ACTR3B: variants seen among roughly 807,000 people sequenced by gnomAD.
The protein encoded by ACTR3B is actin-related protein 3B.
A neutral mutation model predicts 59.0 loss-of-function variants in ACTR3B; 8 were observed. The ratio of observed to expected loss-of-function variants is 0.14; its 90% CI spans 0.08 to 0.24. The LOEUF (loss-of-function observed/expected upper bound fraction) is 0.24, where lower values mean the gene tolerates loss of function less well. Ranked by LOEUF, ACTR3B falls within the 10% of genes least tolerant of loss-of-function variation. ACTR3B has a pLI of 1.00. For missense variants in ACTR3B, 245 were observed against 552.3 expected (o/e 0.44, Z 5.58); for synonymous variants, 148 against 197.9 (o/e 0.75, Z 2.12).
At chr7:152,762,324 A>G (rs1186365174) in intron 1 of ACTR3B, among the ~76,000 whole-genome samples, 1 of 152,244 alleles carries the variant, frequency 6.6e-6, no homozygotes, top group East Asian at 1.9e-4. Flanking sequence ...TCTCTGAGCC[A>G]AACTTTTCAA....
At chr7:152,810,456 A>G (rs1316582947) in intron 4 of ACTR3B, among the ~76,000 whole-genome samples, 9 of 133,128 alleles carry the variant, frequency 6.8e-5, no homozygotes, top group East Asian at 2.2e-4. Context: ...GGGGGTCTCT[A>G]TGTTGTCCAA....
Position 152,759,830 on chromosome 7 carries a change from G to A in ACTR3B, c.-53G>A, listed in dbSNP as rs2098083300. The A allele has an allele frequency of 8.3e-7, 1 of 1,200,112 alleles. No individual in the cohort carries two copies. The highest frequency in any genetic ancestry group is 1.0e-6 in the Non-Finnish European group (1 of 964,182). The allele number at this position is 1,200,112 out of a possible 1,614,324, so 74.3% of individuals were successfully genotyped here. Reference sequence around the variant, plus strand: ...GGGCTAGCGGGCGGCGGAGCGGACGGCGACGGGGCGCTCTCGGGCTGCCGG... The same window carrying A: ...GGGCTAGCGGGCGGCGGAGCGGACGACGACGGGGCGCTCTCGGGCTGCCGG... On this transcript the variant is annotated 5_prime_UTR_variant, in exon 1 of 12. Transcript: ENST00000256001.
At chr7:152,852,050 A>T in intron 9 of ACTR3B, 76 bp from the exon 10 acceptor site, 1 of 1,598,176 alleles carries the variant, frequency 6.3e-7, no homozygotes, top group Non-Finnish European at 8.6e-7. Context: ...GACCTGTGGG[A>T]GTTCTGTTGT....
intron 9 of ACTR3B, among the ~76,000 whole-genome samples, chr7:152,829,804 T>G (rs1356567200): frequency 2.0e-5 from 3 of 152,232 alleles, no homozygotes; most frequent in Non-Finnish European, 4.4e-5. Flanking sequence ...AGCCAGCGTT[T>G]AGTAACTTGC....
chr7:152,833,074 A>G, intron 9 of ACTR3B, among the ~76,000 whole-genome samples: 1 of 152,228 alleles, frequency 6.6e-6, no homozygotes, highest in East Asian at 1.9e-4. Flanking sequence ...GAGGTCACAC[A>G]GGATGAGGGT....
chr7:152,762,968 G>A (rs2098094604), intron 1 of ACTR3B, among the ~76,000 whole-genome samples: 1 of 152,126 alleles, frequency 6.6e-6, no homozygotes, highest in South Asian at 2.1e-4. Flanking sequence ...CATTTGGAGA[G>A]GGTGATGTCC....
chr7:152,776,626 C>T (rs2098136795), intron 1 of ACTR3B, among the ~76,000 whole-genome samples: 1 of 152,224 alleles, frequency 6.6e-6, no homozygotes, highest in Non-Finnish European at 1.5e-5. Context: ...TAAATCACTG[C>T]ACCATGAAAT....
chr7:152,851,314 G>A (rs114586730), intron 9 of ACTR3B, among the ~76,000 whole-genome samples: 2,572 of 152,300 alleles, frequency 0.017, 67 homozygotes, highest in African/African-American at 0.056. Flanking sequence ...TTGTGAGGGT[G>A]TGAGATGATG....
At chr7:152,768,952 C>T (rs1378812576) in intron 1 of ACTR3B, among the ~76,000 whole-genome samples, 2 of 151,924 alleles carry the variant, frequency 1.3e-5, no homozygotes, top group African/African-American at 4.8e-5. Context: ...CTCCTGGGTT[C>T]AGGCAGTTCT....
intron 9 of ACTR3B, among the ~76,000 whole-genome samples, chr7:152,828,286 A>G (rs1397778617): frequency 6.6e-6 from 1 of 151,834 alleles, no homozygotes; most frequent in African/African-American, 2.4e-5. Flanking sequence ...CTCTGCTCAC[A>G]GCCCAGGGTA....
At chr7:152,852,300 C>T in intron 10 of ACTR3B, 49 bp downstream of exon 10, 1 of 1,542,764 alleles carries the variant, frequency 6.5e-7, no homozygotes, top group Non-Finnish European at 8.7e-7. Flanking sequence ...TGCCCCAGGC[C>T]TGACCGGGGC....
chr7:152,816,668 A>C lies in ACTR3B; in HGVS notation c.540+80A>C, dbSNP rs2116833069. ...TAAGGATGGAAATAAAAAAAAAAAA[A>C]ACCTCTTCTGTAATGGAAATACAAT... On this transcript the variant is annotated intron_variant, in intron 6 of 11. Coordinates refer to ENST00000256001, the MANE Select transcript of ACTR3B (RefSeq NM_020445.6). 3.2e-5 allele frequency: 41 copies of C among 1,271,932 alleles called. 1 individual carries two copies. The highest frequency in any genetic ancestry group is 4.2e-5 in the Non-Finnish European group (40 of 960,850). 78.8% of individuals were successfully genotyped at this position (1,271,932 alleles called of 1,614,324 possible). A position where few individuals can be genotyped will look rare whatever the true frequency, so the allele number is the denominator to read the frequency against.
chr7:152,804,554 CA>C (rs1369615754), intron 4 of ACTR3B, among the ~76,000 whole-genome samples: 1 of 152,092 alleles, frequency 6.6e-6, no homozygotes, highest in African/African-American at 2.4e-5. Context: ...TGTGAGGTGA[CA>C]GGTGCCTCCG....
At chr7:152,790,343 C>G (rs2098191471) in intron 2 of ACTR3B, among the ~76,000 whole-genome samples, 1 of 152,104 alleles carries the variant, frequency 6.6e-6, no homozygotes, top group Non-Finnish European at 1.5e-5. Context: ...ACAGTTATTT[C>G]TTTTCTTTTT....
At chr7:152,783,799 A>G (rs2098162630) in intron 2 of ACTR3B, among the ~76,000 whole-genome samples, 1 of 151,804 alleles carries the variant, frequency 6.6e-6, no homozygotes, top group Non-Finnish European at 1.5e-5. Flanking sequence ...GTTAAAGGAT[A>G]GGATTCTTGG....
At chr7:152,779,094 A>G (rs2098143725) in intron 1 of ACTR3B, among the ~76,000 whole-genome samples, 1 of 151,766 alleles carries the variant, frequency 6.6e-6, no homozygotes. Context: ...ATAATGTGAC[A>G]GTGAGGAAGC....
chr7:152,821,906 A>G (rs10085365), intron 7 of ACTR3B, among the ~76,000 whole-genome samples: 14,619 of 135,068 alleles, frequency 0.11, no homozygotes, highest in African/African-American at 0.21. Flanking sequence ...TAACGTGAGC[A>G]CACCACCCTT....
intron 9 of ACTR3B, among the ~76,000 whole-genome samples, chr7:152,835,890 TG>T (rs1797415394): frequency 6.6e-6 from 1 of 151,826 alleles, no homozygotes; most frequent in African/African-American, 2.4e-5. Flanking sequence ...TGCTGACCCG[TG>T]GTGCTTAGAA....
intron 2 of ACTR3B, among the ~76,000 whole-genome samples, chr7:152,799,793 G>A (rs180941038): frequency 5.3e-5 from 8 of 152,318 alleles, no homozygotes; most frequent in African/African-American, 1.7e-4. Context: ...AGTGTGAGCA[G>A]GAGTTAGAAA....
Sources: gnomAD v4.1 joint callset for allele counts (sites outside exome capture counted in the v4.1 genomes callset) on GRCh38, gnomAD v4.1.1 for gene constraint, MANE v1.5 for transcripts, NCBI Gene and HGNC (gene_info 2026-07-23, HGNC 2026-07-21) for gene names.